Variants in RFC3 observed in about 807,000 individuals in gnomAD.
RFC3 encodes replication factor C subunit 3, also known as A1 38 kDa subunit.
RFC3 carries 41 observed loss-of-function variants against 45.1 expected under a neutral mutation model. That is an observed-to-expected ratio of 0.91 (90% CI 0.71 to 1.18). The LOEUF (loss-of-function observed/expected upper bound fraction) is 1.18, where lower values mean the gene tolerates loss of function less well. Ranked by LOEUF, RFC3 falls within the 50% of genes most tolerant of loss-of-function variation. The pLI is 0.00. For missense variants in RFC3, 423 were observed against 428.1 expected (o/e 0.99, Z 0.10); for synonymous variants, 149 against 144.0 (o/e 1.03, Z -0.25).
chr13:33,940,976 G>C (rs1051833930), intron 8 of RFC3, among the ~76,000 whole-genome samples: 1 of 152,230 alleles, frequency 6.6e-6, no homozygotes, highest in Non-Finnish European at 1.5e-5. Context: ...TGGGTCCCCA[G>C]AGAATCTCCG....
intron 8 of RFC3, among the ~76,000 whole-genome samples, chr13:33,892,611 T>C (rs1473156641): frequency 1.3e-5 from 2 of 152,140 alleles, no homozygotes; most frequent in African/African-American, 4.8e-5. Flanking sequence ...TTTTTGTGTC[T>C]CCCAACTCCC....
At chr13:33,870,192 A>G (rs1038702313) in intron 8 of RFC3, among the ~76,000 whole-genome samples, 7 of 152,240 alleles carry the variant, frequency 4.6e-5, no homozygotes, top group African/African-American at 1.7e-4. Flanking sequence ...AATCATTTGC[A>G]TGGAACTGGT....
intron 8 of RFC3, among the ~76,000 whole-genome samples, chr13:33,861,844 T>C (rs2082343065): frequency 6.6e-6 from 1 of 152,166 alleles, no homozygotes; most frequent in African/African-American, 2.4e-5. Context: ...CAATTACAGG[T>C]ATTTACTGCA....
At chr13:33,912,222 C>T (rs1360164544) in intron 8 of RFC3, among the ~76,000 whole-genome samples, 1 of 151,914 alleles carries the variant, frequency 6.6e-6, no homozygotes, top group Non-Finnish European at 1.5e-5. Flanking sequence ...TTATTTAGTC[C>T]ATTAGTTGTC....
chr13:33,865,798 A>G (rs2082369325), intron 8 of RFC3, among the ~76,000 whole-genome samples: 1 of 152,170 alleles, frequency 6.6e-6, no homozygotes. Flanking sequence ...TCACACCTGT[A>G]ATCCCAGCAC....
chr13:33,910,814 C>G (rs1282865308), intron 8 of RFC3, among the ~76,000 whole-genome samples: 3 of 152,052 alleles, frequency 2.0e-5, no homozygotes, highest in Non-Finnish European at 4.4e-5. Flanking sequence ...GGCATCTGCT[C>G]AGCTTCTGGG....
chr13:33,939,946 T>G (rs2082912912), intron 8 of RFC3, among the ~76,000 whole-genome samples: 1 of 152,300 alleles, frequency 6.6e-6, no homozygotes, highest in Non-Finnish European at 1.5e-5. Flanking sequence ...TATCAGCAAT[T>G]TATGTTCACT....
At chr13:33,903,813 T>C (rs761765870) in intron 8 of RFC3, among the ~76,000 whole-genome samples, 2 of 152,060 alleles carry the variant, frequency 1.3e-5, no homozygotes, top group Non-Finnish European at 2.9e-5. Context: ...CTCTCTTTCC[T>C]TGGTGATAAC....
At chr13:33,906,244 G>A (rs1327327784) in intron 8 of RFC3, among the ~76,000 whole-genome samples, 1 of 152,070 alleles carries the variant, frequency 6.6e-6, no homozygotes, top group Non-Finnish European at 1.5e-5. Context: ...ATTCTGTAGT[G>A]TGTGATTCTT....
intron 8 of RFC3, among the ~76,000 whole-genome samples, chr13:33,859,325 A>G (rs2082326116): frequency 6.6e-6 from 1 of 152,228 alleles, no homozygotes; most frequent in South Asian, 2.1e-4. Context: ...GCATTGGTTA[A>G]TAACAAACCA....
chr13:33,932,369 A>G (rs774855737), intron 8 of RFC3, among the ~76,000 whole-genome samples: 4 of 152,142 alleles, frequency 2.6e-5, no homozygotes, highest in Admixed American at 6.6e-5. Context: ...TGTGACTTTC[A>G]TTGGAATTGT....
intron 8 of RFC3, among the ~76,000 whole-genome samples, chr13:33,954,147 TAAA>T (rs2083006875): frequency 6.6e-6 from 1 of 152,088 alleles, no homozygotes; most frequent in South Asian, 2.1e-4. Flanking sequence ...AGAGTTAAGG[TAAA>T]AAAGAATAAC....
intron 8 of RFC3, chr13:33,847,144 C>T (rs2082243546): frequency 6.6e-6 from 1 of 152,328 alleles, no homozygotes; most frequent in Non-Finnish European, 1.5e-5. Flanking sequence ...TCAGGTGATC[C>T]ACCTGCCTCA....
chr13:33,946,364 C>T (rs2082954424), intron 8 of RFC3, among the ~76,000 whole-genome samples: 1 of 152,154 alleles, frequency 6.6e-6, no homozygotes, highest in South Asian at 2.1e-4. Context: ...TGGTATACAG[C>T]AGTAGTTTCC....
At chr13:33,888,647 G>A (rs992282104) in intron 8 of RFC3, among the ~76,000 whole-genome samples, 1 of 151,786 alleles carries the variant, frequency 6.6e-6, no homozygotes, top group Non-Finnish European at 1.5e-5. Flanking sequence ...ATCTCATATA[G>A]CAGATTCCTG....
chr13:33,846,432 G>A (rs1426121552), intron 8 of RFC3: 1 of 152,274 alleles, frequency 6.6e-6, no homozygotes, highest in Non-Finnish European at 1.5e-5. Flanking sequence ...AGGCCCTCAG[G>A]ACTCTACCAA....
intron 8 of RFC3, among the ~76,000 whole-genome samples, chr13:33,882,552 T>C (rs1000917058): frequency 6.6e-6 from 1 of 152,234 alleles, no homozygotes. Flanking sequence ...TCTCTCTGTC[T>C]GTCTCTATGC....
At chr13:33,892,044 C>T (rs1051589869) in intron 8 of RFC3, among the ~76,000 whole-genome samples, 4 of 151,990 alleles carry the variant, frequency 2.6e-5, no homozygotes, top group African/African-American at 9.7e-5. Flanking sequence ...CCAAAATAAC[C>T]AAACAATTTG....
chr13:33,894,845 A>G (rs113838158), intron 8 of RFC3, among the ~76,000 whole-genome samples: 9,565 of 152,216 alleles, frequency 0.063, 732 homozygotes, highest in African/African-American at 0.18. Context: ...ACCAAGAAAT[A>G]AAGCCAAATA....
Sources: allele counts gnomAD v4.1 joint callset (sites outside exome capture counted in the v4.1 genomes callset), GRCh38; gene constraint gnomAD v4.1.1; transcripts MANE v1.5; gene names NCBI Gene and HGNC (gene_info 2026-07-23, HGNC 2026-07-21).